The following CPQ variants were observed in gnomAD, a reference collection of about 807,000 sequenced individuals.
CPQ encodes the protein Ser-Met dipeptidase.
Under a neutral mutation model 45.7 loss-of-function variants are expected in CPQ, and 37 were observed. The observed-to-expected ratio is 0.81, with a 90% CI of 0.62 to 1.07. CPQ has a LOEUF of 1.07. CPQ is among the 50% of genes least tolerant of loss of function. The probability of loss-of-function intolerance (pLI) is 0.00; values close to 1 mark genes in which losing one functional copy is unlikely to be tolerated. For synonymous variants in CPQ, 186 were observed against 205.8 expected (o/e 0.90, Z 0.82); for missense variants, 537 against 572.9 (o/e 0.94, Z 0.64).
chr8:96,881,690 G>A (rs1812225461), intron 4 of CPQ, among the ~76,000 whole-genome samples: 1 of 152,154 alleles, frequency 6.6e-6, no homozygotes, highest in Non-Finnish European at 1.5e-5. Context: ...ATTAAACCAA[G>A]CTTTAAACCA....
chr8:96,842,131 T>C (rs1028659527), intron 3 of CPQ, among the ~76,000 whole-genome samples: 11 of 152,198 alleles, frequency 7.2e-5, no homozygotes, highest in Non-Finnish European at 1.5e-4. Context: ...CTATTTTGGA[T>C]GATTTTTGAA....
intron 1 of CPQ, among the ~76,000 whole-genome samples, chr8:96,777,649 A>T (rs1196614472): frequency 6.9e-6 from 1 of 145,164 alleles, no homozygotes; most frequent in Non-Finnish European, 1.5e-5. Context: ...GCCCTTGATC[A>T]TCATCCTTTG....
At chr8:97,124,678 C>T (rs893210047) in intron 7 of CPQ, among the ~76,000 whole-genome samples, 2 of 152,006 alleles carry the variant, frequency 1.3e-5, no homozygotes, top group African/African-American at 4.8e-5. Context: ...CTAAATAAGC[C>T]ATAGATCAAA....
At chr8:97,050,059 AT>A (rs1260541730) in intron 6 of CPQ, among the ~76,000 whole-genome samples, 2 of 152,162 alleles carry the variant, frequency 1.3e-5, no homozygotes, top group Non-Finnish European at 2.9e-5. Context: ...CTTTTGGCAA[AT>A]TGCTTAGTAC....
At chr8:96,767,777 G>A (rs1031316893) in intron 1 of CPQ, among the ~76,000 whole-genome samples, 2 of 151,262 alleles carry the variant, frequency 1.3e-5, no homozygotes, top group Non-Finnish European at 2.9e-5. Context: ...CCAAGTAGCT[G>A]GGATTACAGG....
intron 4 of CPQ, among the ~76,000 whole-genome samples, chr8:96,933,826 C>T (rs1247874339): frequency 7.7e-6 from 1 of 129,790 alleles, no homozygotes; most frequent in Admixed American, 7.2e-5. Context: ...AAAAAAATGG[C>T]TTCACAACCA....
chr8:96,879,998 C>G lies in CPQ; in HGVS notation c.842C>G (p.Pro281Arg). Residue 281 changes from proline (P) to arginine (R), a missense_variant, in exon 4 of 8, where the codon CCA (proline) becomes CGA (arginine). Coordinates refer to ENST00000220763, the MANE Select transcript of CPQ (RefSeq NM_016134.4). ...TVAEITGSKYPEQVVLVSGHL... is the reference protein window; with the variant it reads ...TVAEITGSKYREQVVLVSGHL... ...GCAGAGATCACTGGGAGCAAATATC[C>G]AGAACAGGTGAGTGAAGGAGAAGGC... 6.2e-7 allele frequency: 1 copy of G among 1,613,230 alleles called. No homozygotes were observed. The highest frequency in any genetic ancestry group is 8.5e-7 in the Non-Finnish European group (1 of 1,179,278).
intron 5 of CPQ, among the ~76,000 whole-genome samples, chr8:96,987,911 A>C (rs1809019035): frequency 6.6e-6 from 1 of 152,244 alleles, no homozygotes; most frequent in Non-Finnish European, 1.5e-5. Context: ...ACTTGATGGC[A>C]TAAAGTGAAT....
intron 6 of CPQ, among the ~76,000 whole-genome samples, chr8:97,065,029 A>G (rs1440964226): frequency 6.6e-6 from 1 of 152,214 alleles, no homozygotes; most frequent in African/African-American, 2.4e-5. Context: ...CAAATGTGAA[A>G]GCTCTCTGGA....
At chr8:97,107,776 G>A (rs555862278) in intron 7 of CPQ, among the ~76,000 whole-genome samples, 2 of 151,466 alleles carry the variant, frequency 1.3e-5, no homozygotes, top group African/African-American at 4.9e-5. Context: ...ATGGGGCAAA[G>A]AAAAAGATTT....
At chr8:96,826,803 CAG>C (rs935097296) in intron 2 of CPQ, among the ~76,000 whole-genome samples, 2 of 151,978 alleles carry the variant, frequency 1.3e-5, no homozygotes, top group African/African-American at 4.8e-5. Context: ...CAACAGGCCT[CAG>C]TGTGTGTTGT....
At chr8:96,708,416 CAT>C (rs1193634954) in intron 1 of CPQ, among the ~76,000 whole-genome samples, 13 of 101,522 alleles carry the variant, frequency 1.3e-4, no homozygotes, top group African/African-American at 3.9e-4. Context: ...CAAGGTAAGC[CAT>C]ATGTGTGTGT....
chr8:96,650,653 C>T (rs1284775047), intron 1 of CPQ, among the ~76,000 whole-genome samples: 2 of 152,164 alleles, frequency 1.3e-5, no homozygotes, highest in African/African-American at 4.8e-5. Flanking sequence ...AGTGTGCCTC[C>T]TTCCCTTATC....
intron 4 of CPQ, among the ~76,000 whole-genome samples, chr8:96,936,464 A>G (rs1813051999): frequency 6.6e-6 from 1 of 152,192 alleles, no homozygotes; most frequent in African/African-American, 2.4e-5. Context: ...AAGGCCATCA[A>G]AGAGACAGAG....
At chr8:96,771,642 G>A (rs765408400) in intron 1 of CPQ, among the ~76,000 whole-genome samples, 4 of 152,064 alleles carry the variant, frequency 2.6e-5, no homozygotes, top group Middle Eastern at 3.4e-3. Flanking sequence ...ATTTGGAATC[G>A]TTTGTTTATA....
intron 1 of CPQ, among the ~76,000 whole-genome samples, chr8:96,677,692 AT>A (rs1809094846): frequency 6.6e-6 from 1 of 151,716 alleles, no homozygotes; most frequent in African/African-American, 2.4e-5. Context: ...CCATTTATTT[AT>A]TTTTGTTTTT....
chr8:96,853,018 CTTAA>C (rs1248455132), intron 3 of CPQ, among the ~76,000 whole-genome samples: 1 of 152,198 alleles, frequency 6.6e-6, no homozygotes, highest in Non-Finnish European at 1.5e-5. Flanking sequence ...TTGAAGAAGT[CTTAA>C]TTGTGAGCCC....
At chr8:96,970,909 G>A (rs907803643) in intron 5 of CPQ, among the ~76,000 whole-genome samples, 2 of 152,136 alleles carry the variant, frequency 1.3e-5, no homozygotes, top group African/African-American at 4.8e-5. Flanking sequence ...AACACTGCCA[G>A]TCTGTTTCTA....
chr8:97,134,263 T>C (rs1178108963), intron 7 of CPQ, among the ~76,000 whole-genome samples: 1 of 152,238 alleles, frequency 6.6e-6, no homozygotes, highest in East Asian at 1.9e-4. Flanking sequence ...CTTAAGGAGC[T>C]TACATTCTAG....
Sources: allele counts gnomAD v4.1 joint callset (sites outside exome capture counted in the v4.1 genomes callset), GRCh38; gene constraint gnomAD v4.1.1; transcripts MANE v1.5; gene names NCBI Gene and HGNC (gene_info 2026-07-23, HGNC 2026-07-21).